Variants in ZNF7 observed in about 807,000 individuals in gnomAD.
The protein encoded by ZNF7 is zinc finger protein 7, also known as C2-H2 type zinc finger protein.
A neutral mutation model predicts 12.0 loss-of-function variants in ZNF7; 10 were observed. The observed-to-expected ratio is 0.83, with a 90% CI of 0.51 to 1.42. The LOEUF (loss-of-function observed/expected upper bound fraction) is 1.42, where lower values mean the gene tolerates loss of function less well. ZNF7 is among the 40% of genes most tolerant of loss of function. The pLI is 0.00. For synonymous variants in ZNF7, 334 were observed against 295.0 expected (o/e 1.13, Z -1.35); for missense variants, 854 against 837.2 (o/e 1.02, Z -0.25).
At chr8:144,831,675 C>G (rs62531527) in intron 3 of ZNF7, among the ~76,000 whole-genome samples, 1 of 77,106 alleles carries the variant, frequency 1.3e-5, no homozygotes, top group Non-Finnish European at 3.3e-5. Context: ...CCCAGCTACT[C>G]GGGAGGCTGA....
chr8:144,840,353 C>A (rs911602654), intron 4 of ZNF7, among the ~76,000 whole-genome samples: 1 of 152,228 alleles, frequency 6.6e-6, no homozygotes, highest in Admixed American at 6.5e-5. Context: ...CGGAGACTCA[C>A]CACCAATGGT....
At chr8:144,836,123 ATTGT>A (rs1182462729) in intron 3 of ZNF7, 1 of 152,234 alleles carries the variant, frequency 6.6e-6, no homozygotes, top group African/African-American at 2.4e-5. Flanking sequence ...AGGCAGGAGG[ATTGT>A]TTGAGCCCAG....
intron 3 of ZNF7, 164 bp from the exon 4 acceptor site, chr8:144,837,227 T>C (rs943532013): frequency 1.5e-5 from 8 of 542,478 alleles, no homozygotes; most frequent in Non-Finnish European, 2.7e-5. Flanking sequence ...AGGGCTGCTG[T>C]GTCCCCAGAT....
rs114325413 is a variant in ZNF7 at position 144,838,018 on chromosome 8, C to T, written c.247+511C>T. ...TTTATTGTCTCACAGCTGTGGAGGCCGGAAATCTGAAACCGGGGGGTCAGC... is the reference window on the plus strand; with the variant it reads ...TTTATTGTCTCACAGCTGTGGAGGCTGGAAATCTGAAACCGGGGGGTCAGC... On this transcript the variant is annotated intron_variant, in intron 4 of 4. Transcript: ENST00000532777. 256 of 698,790 alleles carry T rather than the reference C, an allele frequency of 3.7e-4. 1 individual carries two copies. Among genetic ancestry groups the T allele is most frequent in the African/African-American group, 3.4e-3 (194 of 56,834 alleles). 43.3% of individuals were successfully genotyped at this position (698,790 alleles called of 1,614,324 possible). A position where few individuals can be genotyped will look rare whatever the true frequency, so the allele number is the denominator to read the frequency against.
chr8:144,841,837 T>A lies in ZNF7; in HGVS notation c.730T>A (p.Cys244Ser), dbSNP rs77775951. 1.9e-6 allele frequency: 3 copies of A among 1,614,140 alleles called. No homozygotes were observed. In the East Asian group the frequency reaches 6.7e-5, roughly 36 times the overall value. Residue 244 changes from cysteine to serine, a missense_variant, in exon 5 of 5, where the codon TGC becomes AGC. Physicochemically the swap from Cys to Ser is moderately radical, Grantham distance 112 (BLOSUM62 -1). Transcript: ENST00000532777. ...CTTGCAGGGGAAACATACAAATAACTGCCATGGAGAGAAGCCGTACGAATG... is the reference window on the plus strand; with the variant it reads ...CTTGCAGGGGAAACATACAAATAACAGCCATGGAGAGAAGCCGTACGAATG... ...DCLQGKHTNNCHGEKPYECAE... is the reference protein window; with the variant it reads ...DCLQGKHTNNSHGEKPYECAE...
intron 4 of ZNF7, 100 bp downstream of exon 4, chr8:144,837,607 C>T: frequency 1.3e-6 from 1 of 798,660 alleles, no homozygotes; most frequent in East Asian, 2.6e-5. Context: ...GCGGGGGCTA[C>T]ACTGGGATGC....
chr8:144,841,565 T>G lies in ZNF7; in HGVS notation c.458T>G (p.Leu153Trp), dbSNP rs1460988250. ...VTGFTFQNNC[L>W]NEETVVPKTF... ...GGCTTTACCTTCCAAAATAACTGTT[T>G]GAATGAGGAGACTGTGGTTCCCAAG... The change falls in exon 5 of 5, where the codon TTG becomes TGG. Residue 153 changes from leucine to tryptophan, a missense_variant. Coordinates refer to ENST00000532777, the MANE Select transcript of ZNF7 (RefSeq NM_003416.4). The G allele has an allele frequency of 1.2e-6, 2 of 1,614,078 alleles. No individual in the cohort carries two copies. The highest frequency in any genetic ancestry group is 2.2e-5 in the East Asian group (1 of 44,882).
chr8:144,842,323 A>C lies in ZNF7; in HGVS notation c.1216A>C (p.Ile406Leu). ...TCCAAGCCTTGTTGCACATCAGAGA[A>C]TTCACGCTGTAGAGAAACCATTTAA... ...DSPSLVAHQR[I>L]HAVEKPFKCD... is the part of the protein sequence containing the mutation. Residue 406 changes from isoleucine (I) to leucine (L), a missense_variant, in exon 5 of 5, where the codon ATT (isoleucine) becomes CTT (leucine). Coordinates refer to ENST00000532777, the MANE Select transcript of ZNF7 (RefSeq NM_003416.4). 1 of 1,614,026 alleles carries C rather than the reference A, an allele frequency of 6.2e-7. No homozygotes were observed. The highest frequency in any genetic ancestry group is 8.5e-7 in the Non-Finnish European group (1 of 1,180,040).
At chr8:144,830,504 T>C (rs1828318859) in intron 3 of ZNF7, among the ~76,000 whole-genome samples, 1 of 152,276 alleles carries the variant, frequency 6.6e-6, no homozygotes. Context: ...TGTGTCTTAT[T>C]GCTTTGAAGG....
downstream of ZNF7, among the ~76,000 whole-genome samples, chr8:144,845,459 AG>A (rs960828236): frequency 6.6e-6 from 1 of 152,096 alleles, no homozygotes. Flanking sequence ...TGGCACATGC[AG>A]GAACATGGAG....
In ZNF7 at chr8:144,829,462, G is replaced by T; in HGVS notation, c.4-16G>T. The T allele has an allele frequency of 1.9e-6, 3 of 1,614,044 alleles. No homozygotes were observed. The highest frequency in any genetic ancestry group is 2.5e-6 in the Non-Finnish European group (3 of 1,179,970). ...GCACCCAGGGATTCCTGGGGTGCTGGTGTGTGTCCTTTCAGGAGGTGGTAA... is the reference window on the plus strand; with the variant it reads ...GCACCCAGGGATTCCTGGGGTGCTGTTGTGTGTCCTTTCAGGAGGTGGTAA... On this transcript the variant is annotated splice_polypyrimidine_tract_variant and intron_variant, in intron 2 of 4. Coordinates refer to ENST00000532777, the MANE Select transcript of ZNF7 (RefSeq NM_003416.4).
At chr8:144,845,691 C>T (rs1586854076), downstream of ZNF7, among the ~76,000 whole-genome samples, 1 of 152,288 alleles carries the variant, frequency 6.6e-6, no homozygotes, top group Middle Eastern at 3.4e-3. Context: ...CAGGGGGAAC[C>T]TGGAACTCCT....
At chr8:144,827,903 C>T (rs1234043264) in intron 1 of ZNF7, 1 of 159,398 alleles carries the variant, frequency 6.3e-6, no homozygotes, top group African/African-American at 2.4e-5. Flanking sequence ...CGAGCTCCAG[C>T]TGCGGCCTTT....
At chr8:144,844,741 A>AATGGG (rs1830413888), downstream of ZNF7, among the ~76,000 whole-genome samples, 1 of 147,400 alleles carries the variant, frequency 6.8e-6, no homozygotes, top group Non-Finnish European at 1.5e-5. Flanking sequence ...AAAAAACGAA[A>AATGGG]ATGGGATGGA....
At position 144,843,165 on chromosome 8, in the gene ZNF7, A is replaced by T; in HGVS notation, c.2058A>T (p.Gly686=). The change falls in exon 5 of 5, where the codon GGA becomes GGT. Residue 686 remains glycine (G), a synonymous_variant. Transcript: ENST00000532777. The part of the protein sequence containing the change: ...RLTQHQKIHM[G] ...CCCAGCATCAAAAAATTCACATGGG[A>T]TAGACCACTTACATATAAATGTGTA... 6 of 1,575,140 alleles carry T rather than the reference A, an allele frequency of 3.8e-6. No individual in the cohort carries two copies. Among genetic ancestry groups the T allele is most frequent in the Non-Finnish European group, 5.2e-6 (6 of 1,164,418 alleles).
chr8:144,840,431 G>A (rs189113793), intron 4 of ZNF7, among the ~76,000 whole-genome samples: 5 of 152,144 alleles, frequency 3.3e-5, no homozygotes, highest in Admixed American at 6.5e-5. Context: ...GGGTAGACTC[G>A]GGCTGGTTAT....
Position 144,839,829 on chromosome 8 carries a change from C to T in ZNF7, c.248-1526C>T, listed in dbSNP as rs991150316. 3.9e-5 allele frequency among the ~76,000 whole-genome samples: 6 copies of T among 152,230 alleles called. 1 individual carries two copies. Among genetic ancestry groups the T allele is most frequent in the African/African-American group, 1.4e-4 (6 of 41,456 alleles). On this transcript the variant is annotated intron_variant, in intron 4 of 4. Transcript: ENST00000532777. ...CAGTGGAGGAGCGGCCAGGTCCCAG[C>T]TGTGCACCCCCACGCTTTTGACCAC...
intron 3 of ZNF7, chr8:144,834,549 C>T (rs1339817406): frequency 1.3e-5 from 2 of 151,984 alleles, no homozygotes; most frequent in South Asian, 2.1e-4. Flanking sequence ...ATTTGAGACA[C>T]GTGATTTATT....
At position 144,829,483 on chromosome 8, in the gene ZNF7, G is replaced by A. The variant is rs1370463752; in HGVS notation, c.9G>A (p.Val3=). Residue 3 remains valine, a synonymous_variant, in exon 3 of 5, where the codon GTG becomes GTA. Coordinates refer to ENST00000532777, the MANE Select transcript of ZNF7 (RefSeq NM_003416.4). Reference sequence around the variant, plus strand: ...GCTGGTGTGTGTCCTTTCAGGAGGTGGTAACATTTGGCGATGTGGCTGTGC... The same window carrying A: ...GCTGGTGTGTGTCCTTTCAGGAGGTAGTAACATTTGGCGATGTGGCTGTGC... ME[V]VTFGDVAVHF... 9 of 1,614,150 alleles carry A rather than the reference G, an allele frequency of 5.6e-6. No individual in the cohort carries two copies. The highest frequency in any genetic ancestry group is 6.8e-6 in the Non-Finnish European group (8 of 1,180,016).
Sources: allele counts gnomAD v4.1 joint callset (sites outside exome capture counted in the v4.1 genomes callset), GRCh38; gene constraint gnomAD v4.1.1; transcripts MANE v1.5; gene names NCBI Gene and HGNC (gene_info 2026-07-23, HGNC 2026-07-21).